MPZL1: variants seen among roughly 807,000 people sequenced by gnomAD.
The protein encoded by MPZL1 is myelin protein zero like 1.
MPZL1 carries 16 observed loss-of-function variants against 29.3 expected under a neutral mutation model. The ratio of observed to expected loss-of-function variants is 0.55; its 90% CI spans 0.37 to 0.83. The LOEUF (loss-of-function observed/expected upper bound fraction) is 0.83. Among genes scored for constraint, MPZL1 ranks in the 40% least tolerant of loss-of-function variants. The pLI, the probability that MPZL1 is intolerant of heterozygous loss-of-function variation, is 0.00. For missense variants in MPZL1, 279 were observed against 332.9 expected (o/e 0.84, Z 1.26); for synonymous variants, 143 against 132.0 (o/e 1.08, Z -0.57).
Position 167,790,398 on chromosome 1 carries a change from C to G in MPZL1, c.*2477C>G, listed in dbSNP as rs1233182718. On this transcript the variant is annotated 3_prime_UTR_variant, in exon 6 of 6. Transcript: ENST00000359523. ...CACCAACCTTCCCCCCAGGCAAGGG[C>G]AGCTGCCAGCATGGTGCTCTGCCAG... is the stretch of plus-strand genomic sequence containing the variant. 1 of 152,344 alleles carries G rather than the reference C, an allele frequency of 6.6e-6. No homozygotes were observed. The highest frequency in any genetic ancestry group is 2.4e-5 in the African/African-American group (1 of 41,450). The allele number at this position is 152,344 out of a possible 1,614,324, so 9.4% of individuals were successfully genotyped here.
At chr1:167,742,882 G>GAAC (rs1157652842) in intron 1 of MPZL1, among the ~76,000 whole-genome samples, 1 of 152,108 alleles carries the variant, frequency 6.6e-6, no homozygotes, top group Non-Finnish European at 1.5e-5. Context: ...ACCAGTTGTT[G>GAAC]AATAGGGTGT....
chr1:167,761,923 G>A (rs1660998412), intron 1 of MPZL1, among the ~76,000 whole-genome samples: 1 of 152,198 alleles, frequency 6.6e-6, no homozygotes, highest in Non-Finnish European at 1.5e-5. Flanking sequence ...TTTAGTCTGA[G>A]TAAGGCAAAT....
intron 1 of MPZL1, among the ~76,000 whole-genome samples, chr1:167,729,514 C>T (rs1660221550): frequency 6.6e-6 from 1 of 152,114 alleles, no homozygotes. Context: ...TAGTCAAGTC[C>T]AGGTTATCAT....
chr1:167,771,702 C>T (rs907596295), intron 2 of MPZL1, among the ~76,000 whole-genome samples: 2 of 152,128 alleles, frequency 1.3e-5, no homozygotes, highest in African/African-American at 2.4e-5. Flanking sequence ...GGCAGAGACG[C>T]TCCTCACTTC....
At chr1:167,743,906 C>T (rs1309180942) in intron 1 of MPZL1, among the ~76,000 whole-genome samples, 2 of 151,978 alleles carry the variant, frequency 1.3e-5, no homozygotes, top group Non-Finnish European at 2.9e-5. Context: ...ATTTCTTTCT[C>T]TTGTCTGATT....
Position 167,790,866 on chromosome 1 carries a change from T to A in MPZL1, c.*2945T>A, listed in dbSNP as rs764724307. 3 of 152,236 alleles carry A rather than the reference T, an allele frequency of 2.0e-5. No individual in the cohort carries two copies. Among genetic ancestry groups the A allele is most frequent in the Non-Finnish European group, 4.4e-5 (3 of 68,038 alleles). The allele number at this position is 152,236 out of a possible 1,614,324, so 9.4% of individuals were successfully genotyped here. On this transcript the variant is annotated 3_prime_UTR_variant, in exon 6 of 6. Coordinates refer to ENST00000359523, the MANE Select transcript of MPZL1 (RefSeq NM_003953.6). ...TTTGACCAGAATAGAAAAAGAGATA[T>A]GCCTTTCACTCATATCATTCCAGCT... is the stretch of plus-strand genomic sequence containing the variant.
intron 3 of MPZL1, 22 bp downstream of exon 3, chr1:167,772,510 C>G (rs1270990495): frequency 6.3e-7 from 1 of 1,583,100 alleles, no homozygotes; most frequent in South Asian, 1.1e-5. Flanking sequence ...AGTATTTTGG[C>G]AGTAATAATG....
At chr1:167,754,477 G>C (rs1660826867) in intron 1 of MPZL1, among the ~76,000 whole-genome samples, 1 of 152,210 alleles carries the variant, frequency 6.6e-6, no homozygotes, top group South Asian at 2.1e-4. Context: ...GCAGTCTTCA[G>C]AATAAAGTAG....
chr1:167,726,759 A>G (rs1040207750), intron 1 of MPZL1, among the ~76,000 whole-genome samples: 3 of 152,374 alleles, frequency 2.0e-5, no homozygotes, highest in Admixed American at 1.3e-4. Context: ...ATGCTGCCAA[A>G]AGAAAAAGAT....
At chr1:167,770,517 G>A (rs1221584416) in intron 2 of MPZL1, among the ~76,000 whole-genome samples, 2 of 152,276 alleles carry the variant, frequency 1.3e-5, no homozygotes, top group Non-Finnish European at 2.9e-5. Flanking sequence ...AGAGTATCTT[G>A]TGTTATCTGG....
chr1:167,746,356 GA>G (rs141232469), intron 1 of MPZL1, among the ~76,000 whole-genome samples: 2,415 of 152,178 alleles, frequency 0.016, 62 homozygotes, highest in African/African-American at 0.055. Flanking sequence ...GCCAGCCTTT[GA>G]AAGGCTCTGT....
At chr1:167,787,104 T>C (rs551964634) in intron 5 of MPZL1, 1 of 152,354 alleles carries the variant, frequency 6.6e-6, no homozygotes, top group South Asian at 2.1e-4. Context: ...CTTTTCTACT[T>C]TACTCCATTT....
chr1:167,773,565 G>T, intron 4 of MPZL1, 197 bp downstream of exon 4: 2 of 547,364 alleles, frequency 3.7e-6, no homozygotes, highest in Non-Finnish European at 6.0e-6. Context: ...TGTGGAATAT[G>T]ATTCTAATCT....
intron 1 of MPZL1, among the ~76,000 whole-genome samples, chr1:167,763,353 T>C (rs1661028729): frequency 6.6e-6 from 1 of 151,940 alleles, no homozygotes; most frequent in African/African-American, 2.4e-5. Flanking sequence ...CCGTCTCTAC[T>C]AAAAATACAA....
At chr1:167,739,312 C>CATATATAT (rs1346286313) in intron 1 of MPZL1, among the ~76,000 whole-genome samples, 1 of 82,076 alleles carries the variant, frequency 1.2e-5, no homozygotes, top group African/African-American at 6.3e-5. Flanking sequence ...TATATATACA[C>CATATATAT]ATATATATAT....
chr1:167,748,889 A>C (rs571003419), intron 1 of MPZL1, among the ~76,000 whole-genome samples: 44 of 152,328 alleles, frequency 2.9e-4, no homozygotes, highest in Admixed American at 3.9e-4. Context: ...TTCTTATGAT[A>C]CTATAGTATT....
chr1:167,768,779 C>G (rs766971907), intron 2 of MPZL1, among the ~76,000 whole-genome samples: 2 of 152,202 alleles, frequency 1.3e-5, no homozygotes, highest in Non-Finnish European at 2.9e-5. Context: ...GGGAGCCTGA[C>G]TGAGGGAGCT....
chr1:167,772,544 G>C (rs188344083), intron 3 of MPZL1, 56 bp downstream of exon 3: 1 of 1,481,210 alleles, frequency 6.8e-7, no homozygotes, highest in Non-Finnish European at 9.3e-7. Flanking sequence ...CTCATGTTTG[G>C]TTGGAAAACA....
intron 1 of MPZL1, 129 bp downstream of exon 1, chr1:167,722,371 C>T (rs1337214172): frequency 8.2e-7 from 1 of 1,221,956 alleles, no homozygotes. Context: ...GCGGCCTGCG[C>T]TCTCTGGGGC....
Sources: allele counts gnomAD v4.1 joint callset (sites outside exome capture counted in the v4.1 genomes callset), GRCh38; gene constraint gnomAD v4.1.1; transcripts MANE v1.5; gene names NCBI Gene and HGNC (gene_info 2026-07-23, HGNC 2026-07-21).